Variants in MGRN1 observed in about 807,000 individuals in gnomAD.
The protein encoded by MGRN1 is mahogunin ring finger 1.
A neutral mutation model predicts 69.2 loss-of-function variants in MGRN1; 29 were observed. The observed-to-expected ratio is 0.42, with a 90% CI of 0.31 to 0.57. The LOEUF (loss-of-function observed/expected upper bound fraction) is 0.57, where lower values mean the gene tolerates loss of function less well. Among genes scored for constraint, MGRN1 ranks in the 20% least tolerant of loss-of-function variants. MGRN1 has a pLI of 0.15. For missense variants in MGRN1, 998 were observed against 796.2 expected, an observed-to-expected ratio of 1.25 and a Z score of -3.05; for synonymous variants, 470 against 344.2, an observed-to-expected ratio of 1.37 and a Z score of -4.04.
At chr16:4,636,328 G>C (rs1053509685) in intron 1 of MGRN1, among the ~76,000 whole-genome samples, 1 of 151,872 alleles carries the variant, frequency 6.6e-6, no homozygotes, top group Non-Finnish European at 1.5e-5. Flanking sequence ...GGAAGGAGGC[G>C]CTCTTCTTGC....
chr16:4,645,119 G>A (rs2078246076), intron 1 of MGRN1, among the ~76,000 whole-genome samples: 1 of 127,824 alleles, frequency 7.8e-6, no homozygotes, highest in Admixed American at 1.0e-4. Flanking sequence ...ATATGCGTGT[G>A]CATATATATA....
intron 8 of MGRN1, chr16:4,671,172 G>A (rs2078928657): frequency 1.7e-6 from 1 of 584,496 alleles, no homozygotes; most frequent in Admixed American, 3.0e-5. Context: ...CCCAGTAGTG[G>A]GGAGAGCCAC....
At chr16:4,648,737 GA>G (rs1391347009) in intron 1 of MGRN1, among the ~76,000 whole-genome samples, 4 of 121,868 alleles carry the variant, frequency 3.3e-5, no homozygotes, top group Admixed American at 7.7e-5. Flanking sequence ...TCCTCTCGGG[GA>G]CTCTTCCCGT....
At position 4,687,222 on chromosome 16, in the gene MGRN1, G is replaced by A. The variant is rs889358003; in HGVS notation, c.1619-1574G>A. On this transcript the variant is annotated intron_variant, in intron 16 of 16. Coordinates refer to ENST00000262370, the MANE Select transcript of MGRN1 (RefSeq NM_015246.4). ...GCATCCCCCATCCCCCCCAAGAGGC[G>A]CCCTCTACCAGGGTGGCCCAGGTGA... 2.4e-5 allele frequency: 24 copies of A among 984,992 alleles called. No individual in the cohort carries two copies. The African/African-American group carries it at 2.5e-4, about 10-fold the overall frequency. The allele number at this position is 984,992 out of a possible 1,614,324, so 61.0% of individuals were successfully genotyped here.
In MGRN1 at chr16:4,683,222, A is replaced by G; in HGVS notation, c.1483-2A>G. ...TAGGCTACTTTCCCCTTTGTTTCCT[A>G]GAGTTTCATAACAGAAGAGGTTGAT... On this transcript the variant is annotated splice_acceptor_variant, in intron 14 of 16. Transcript: ENST00000262370. LOFTEE classifies it high-confidence loss of function. 6.2e-7 allele frequency: 1 copy of G among 1,613,688 alleles called. No individual in the cohort carries two copies. Among genetic ancestry groups the G allele is most frequent in the Non-Finnish European group, 8.5e-7 (1 of 1,179,960 alleles).
intron 7 of MGRN1, among the ~76,000 whole-genome samples, chr16:4,667,985 C>G (rs2078843108): frequency 6.6e-6 from 1 of 152,192 alleles, no homozygotes; most frequent in Non-Finnish European, 1.5e-5. Context: ...TGCTTGAGAC[C>G]AACCGAGGAG....
At chr16:4,655,567 CCACT>C (rs779512587) in intron 4 of MGRN1, among the ~76,000 whole-genome samples, 13 of 151,924 alleles carry the variant, frequency 8.6e-5, no homozygotes, top group Non-Finnish European at 1.3e-4. Flanking sequence ...AGCTCCAGTG[CCACT>C]GTCCCCCTCT....
At chr16:4,641,138 G>T (rs533275021) in intron 1 of MGRN1, among the ~76,000 whole-genome samples, 2 of 152,160 alleles carry the variant, frequency 1.3e-5, no homozygotes, top group South Asian at 2.1e-4. Context: ...GCTCCTCTTG[G>T]TCCTGAGCTG....
rs916787444 is a variant in MGRN1, at chr16:4,688,035, C to G, written c.1619-761C>G. ...CGGAGCTGGGGAGTGCAGGTGTGAT[C>G]TAGAACAGGGCTCACAGCCTCGGAA... On this transcript the variant is annotated intron_variant, in intron 16 of 16. Transcript: ENST00000262370. 49 of 985,448 alleles carry G rather than the reference C, an allele frequency of 5.0e-5. No individual in the cohort carries two copies. In the African/African-American group the frequency reaches 8.2e-4, roughly 17 times the overall value. The allele number at this position is 985,448 out of a possible 1,614,324, so 61.0% of individuals were successfully genotyped here. A position where few individuals can be genotyped will look rare whatever the true frequency, so the allele number is the denominator to read the frequency against.
Position 4,681,616 on chromosome 16 carries a change from G to C in MGRN1, c.1198G>C (p.Ala400Pro). ...GCTCGAGGCGCTCAACGGCCTCCGGGCTGTCTCCCCGGCCATCCCCTCGGC... is the reference window on the plus strand; with the variant it reads ...GCTCGAGGCGCTCAACGGCCTCCGGCCTGTCTCCCCGGCCATCCCCTCGGC... ...SLLEALNGLR[A>P]VSPAIPSAPL... is the part of the protein sequence containing the mutation. The change falls in exon 13 of 17, where the codon GCT becomes CCT. Residue 400 changes from alanine to proline, a missense_variant. Ala to Pro is a conservative substitution (Grantham distance 27). Transcript: ENST00000262370. 1 of 1,613,512 alleles carries C rather than the reference G, an allele frequency of 6.2e-7. No individual in the cohort carries two copies. The highest frequency in any genetic ancestry group is 8.5e-7 in the Non-Finnish European group (1 of 1,180,014).
At chr16:4,630,251 C>A (rs1897929538) in intron 1 of MGRN1, among the ~76,000 whole-genome samples, 1 of 149,720 alleles carries the variant, frequency 6.7e-6, no homozygotes, top group Non-Finnish European at 1.5e-5. Flanking sequence ...AATTGGGAGG[C>A]CGAGGCAGAA....
intron 5 of MGRN1, among the ~76,000 whole-genome samples, chr16:4,663,324 A>C (rs1596296832): frequency 6.7e-6 from 1 of 148,796 alleles, no homozygotes; most frequent in African/African-American, 2.5e-5. Context: ...AGGCCTCCCA[A>C]AGTGCTGGGA....
chr16:4,686,214 G>A (rs184939895), intron 16 of MGRN1: 44 of 1,537,288 alleles, frequency 2.9e-5, no homozygotes, highest in Non-Finnish European at 3.2e-5. Flanking sequence ...GCTGCTGCGC[G>A]CTTGCTAACC....
chr16:4,680,010 C>CAT (rs753084314), intron 11 of MGRN1, 22 bp from the exon 12 acceptor site: 1 of 1,612,190 alleles, frequency 6.2e-7, no homozygotes, highest in Non-Finnish European at 8.5e-7. Flanking sequence ...AGTTGTAAAA[C>CAT]ATATGATTTT....
chr16:4,639,128 T>C (rs1347870985), intron 1 of MGRN1, among the ~76,000 whole-genome samples: 2 of 151,980 alleles, frequency 1.3e-5, no homozygotes, highest in African/African-American at 2.4e-5. Context: ...ATTAGGTGAG[T>C]GTTCATCCAG....
intron 1 of MGRN1, among the ~76,000 whole-genome samples, chr16:4,640,830 CAG>C (rs1432932534): frequency 6.6e-6 from 1 of 152,240 alleles, no homozygotes; most frequent in Non-Finnish European, 1.5e-5. Context: ...GTGCCCAGCA[CAG>C]AGACTGAGAA....
rs373631773 is a variant in MGRN1 at position 4,651,994 on chromosome 16, C to G, written c.239C>G (p.Pro80Arg). The change falls in exon 3 of 17, where the codon CCC (proline) becomes CGC (arginine). Residue 80 changes from proline to arginine, a missense_variant. Pro to Arg is a moderately radical substitution (Grantham distance 103). Coordinates refer to ENST00000262370, the MANE Select transcript of MGRN1 (RefSeq NM_015246.4). ...FPYVTPAPHEPVKTLRSLVNI... is the reference protein window; with the variant it reads ...FPYVTPAPHERVKTLRSLVNI... ...TACGTCACTCCTGCCCCCCACGAGC[C>G]CGTGAAGACGCTGCGGAGCCTGGTG... is the stretch of plus-strand genomic sequence containing the variant. 2 of 1,614,054 alleles carry G rather than the reference C, an allele frequency of 1.2e-6. No homozygotes were observed.
At chr16:4,662,384 C>T (rs1040737351) in intron 5 of MGRN1, among the ~76,000 whole-genome samples, 19 of 151,796 alleles carry the variant, frequency 1.3e-4, no homozygotes, top group Admixed American at 3.3e-4. Context: ...GGCGTGGTGG[C>T]GGGCGCCTAT....
At chr16:4,664,409 G>C (rs1157339357) in intron 5 of MGRN1, 4 of 443,250 alleles carry the variant, frequency 9.0e-6, no homozygotes, top group Non-Finnish European at 1.6e-5. Flanking sequence ...GTTTCCGTTT[G>C]GGGTGATGAA....
Sources: gnomAD v4.1 joint callset for allele counts (sites outside exome capture counted in the v4.1 genomes callset) on GRCh38, gnomAD v4.1.1 for gene constraint, MANE v1.5 for transcripts, NCBI Gene and HGNC (gene_info 2026-07-23, HGNC 2026-07-21) for gene names.